The following SMIM19 variants were observed in gnomAD, a reference collection of about 807,000 sequenced individuals.
SMIM19 encodes the protein small integral membrane protein 19.
SMIM19 carries 6 observed loss-of-function variants against 13.2 expected under a neutral mutation model. The observed-to-expected ratio is 0.45, with a 90% CI of 0.25 to 0.90. The LOEUF (loss-of-function observed/expected upper bound fraction) is 0.90. SMIM19 is among the 40% of genes least tolerant of loss of function. The pLI is 0.19. For synonymous variants in SMIM19, 46 were observed against 43.1 expected (o/e 1.07, Z -0.27); for missense variants, 138 against 131.0 (o/e 1.05, Z -0.26).
At position 42,553,976 on chromosome 8, in the gene SMIM19, C is replaced by G. The variant is rs1270546348; in HGVS notation, c.*1368C>G. ...CAGCCTAGGCGACAGAGCAAGACTT[C>G]GTCTCAGAAAAAAAAAAAAAAGTTA... On this transcript the variant is annotated 3_prime_UTR_variant, in exon 4 of 4. Transcript: ENST00000417410. 1 of 120,732 alleles carries G rather than the reference C, an allele frequency of 8.3e-6. No individual in the cohort carries two copies. Among genetic ancestry groups the G allele is most frequent in the African/African-American group, 3.4e-5 (1 of 29,692 alleles). 7.5% of individuals were successfully genotyped at this position (120,732 alleles called of 1,614,324 possible).
chr8:42,548,359 TG>T (rs1343176872), intron 2 of SMIM19: 1 of 481,822 alleles, frequency 2.1e-6, no homozygotes, highest in Non-Finnish European at 4.1e-6. Context: ...TTTTCTTGTT[TG>T]TGATTTTCTC....
Position 42,548,477 on chromosome 8 carries a change from T to C in SMIM19, c.135-179T>C, listed in dbSNP as rs557320011. On this transcript the variant is annotated intron_variant, in intron 2 of 3. Transcript: ENST00000417410. The stretch of plus-strand genomic sequence containing the variant: ...CTACTTTTCTCACAGCCTCATACTT[T>C]TTAGTGAAAGAAAGAATACTTTGAG... 4.1e-6 allele frequency: 3 copies of C among 733,124 alleles called. No individual in the cohort carries two copies. In the South Asian group the frequency reaches 4.4e-5, roughly 11 times the overall value. The allele number at this position is 733,124 out of a possible 1,614,324, so 45.4% of individuals were successfully genotyped here. A position where few individuals can be genotyped will look rare whatever the true frequency, so the allele number is the denominator to read the frequency against.
intron 2 of SMIM19, among the ~76,000 whole-genome samples, chr8:42,548,096 C>T (rs539931383): frequency 6.6e-6 from 1 of 152,300 alleles, no homozygotes; most frequent in African/African-American, 2.4e-5. Flanking sequence ...GCACCCTGAC[C>T]ATCACTGATC....
rs894476273 is a variant in SMIM19, at chr8:42,552,832, C to T, written c.*224C>T. 8.5e-6 allele frequency: 4 copies of T among 468,050 alleles called. No homozygotes were observed. Among genetic ancestry groups the T allele is most frequent in the South Asian group, 4.3e-5 (1 of 23,346 alleles). The allele number at this position is 468,050 out of a possible 1,614,324, so 29.0% of individuals were successfully genotyped here. The stretch of plus-strand genomic sequence containing the variant: ...ACATATCCAGGATATGTGTAACCAG[C>T]GATGGTGACTTGACCTTGCCAAGAC... On this transcript the variant is annotated 3_prime_UTR_variant, in exon 4 of 4. Transcript: ENST00000417410.
chr8:42,548,551 C>A, intron 2 of SMIM19, 105 bp from the exon 3 acceptor site: 1 of 1,438,808 alleles, frequency 7.0e-7, no homozygotes, highest in Non-Finnish European at 9.7e-7. Context: ...ATGGTCTTGT[C>A]ATTTAAGTCC....
intron 2 of SMIM19, 24 bp downstream of exon 2, chr8:42,546,630 G>C (rs144360684): frequency 3.1e-6 from 5 of 1,588,404 alleles, no homozygotes; most frequent in Non-Finnish European, 4.3e-6. Context: ...TCTCAGGGTA[G>C]ATAAAAACTG....
chr8:42,545,260 G>A (rs1218794363), intron 1 of SMIM19, among the ~76,000 whole-genome samples: 1 of 152,206 alleles, frequency 6.6e-6, no homozygotes, highest in Non-Finnish European at 1.5e-5. Flanking sequence ...GCTGTTTGAT[G>A]CACTTGCTGT....
chr8:42,551,056 C>T (rs796095656), intron 3 of SMIM19, among the ~76,000 whole-genome samples: 2 of 152,276 alleles, frequency 1.3e-5, no homozygotes, highest in African/African-American at 4.8e-5. Flanking sequence ...TGGTGGCTCA[C>T]ACCTGTAATC....
At chr8:42,548,123 C>A (rs1220839056) in intron 2 of SMIM19, among the ~76,000 whole-genome samples, 1 of 152,178 alleles carries the variant, frequency 6.6e-6, no homozygotes, top group Admixed American at 6.5e-5. Flanking sequence ...CAGGTGACCG[C>A]TTTCCTCTAA....
At position 42,548,771 on chromosome 8, in the gene SMIM19, T is replaced by G. The variant is rs1469824916; in HGVS notation, c.250T>G (p.Tyr84Asp). 1 of 1,613,536 alleles carries G rather than the reference T, an allele frequency of 6.2e-7. No homozygotes were observed. Residue 84 changes from tyrosine to aspartate, a missense_variant, in exon 3 of 4, where the codon TAT becomes GAT. Transcript: ENST00000417410. ...KIRLRQQLEM[Y>D]SISRKYDYQQ... The stretch of plus-strand genomic sequence containing the variant: ...TCGTTTAAGACAACAACTGGAAATG[T>G]ATTCCATTTGTAAGTATATTCTGTG...
chr8:42,546,560 T>C lies in SMIM19; in HGVS notation c.88T>C (p.Leu30=). The change falls in exon 2 of 4, where the codon TTG becomes CTG. Residue 30 remains leucine, a synonymous_variant. Coordinates refer to ENST00000417410, the MANE Select transcript of SMIM19 (RefSeq NM_001135674.2). The part of the protein sequence containing the change: ...EAWNEATNVY[L]IVILVSFGLF... ...CTGGAATGAAGCCACCAATGTTTAC[T>C]TGATAGTTATCCTTGTTAGCTTCGG... 1 of 1,614,256 alleles carries C rather than the reference T, an allele frequency of 6.2e-7. No homozygotes were observed. Among genetic ancestry groups the C allele is most frequent in the Non-Finnish European group, 8.5e-7 (1 of 1,180,046 alleles).
At chr8:42,550,920 T>C (rs1813652959) in intron 3 of SMIM19, among the ~76,000 whole-genome samples, 1 of 152,216 alleles carries the variant, frequency 6.6e-6, no homozygotes, top group Non-Finnish European at 1.5e-5. Context: ...CAGAATTCTT[T>C]TTTAAATAGA....
At chr8:42,546,744 G>C in intron 2 of SMIM19, 138 bp downstream of exon 2, 2 of 1,038,468 alleles carry the variant, frequency 1.9e-6, no homozygotes, top group South Asian at 3.4e-5. Context: ...CAGCACTTTG[G>C]GAGGCCGAGG....
chr8:42,545,838 G>A (rs145285197), intron 1 of SMIM19, among the ~76,000 whole-genome samples: 3 of 152,240 alleles, frequency 2.0e-5, no homozygotes, highest in Admixed American at 2.0e-4. Context: ...CAGAGTCTCT[G>A]TTTTAAAGTA....
chr8:42,546,741 T>A (rs1186557275), intron 2 of SMIM19, 135 bp downstream of exon 2: 4 of 1,075,060 alleles, frequency 3.7e-6, no homozygotes, highest in Non-Finnish European at 5.2e-6. Flanking sequence ...TCCCAGCACT[T>A]TGGGAGGCCG....
At chr8:42,549,423 A>G (rs1210037476) in intron 3 of SMIM19, among the ~76,000 whole-genome samples, 2 of 152,174 alleles carry the variant, frequency 1.3e-5, no homozygotes, top group African/African-American at 4.8e-5. Context: ...AAAAAAAAAA[A>G]AGAAGTACAT....
intron 3 of SMIM19, among the ~76,000 whole-genome samples, chr8:42,551,128 C>A (rs1298806010): frequency 6.6e-6 from 1 of 151,718 alleles, no homozygotes; most frequent in Admixed American, 6.6e-5. Flanking sequence ...ACCATCCTGG[C>A]TAACACAGTG....
In SMIM19 at chr8:42,554,479, T is replaced by C. The variant is rs1813764226; in HGVS notation, c.*1871T>C. On this transcript the variant is annotated 3_prime_UTR_variant, in exon 4 of 4. Transcript: ENST00000417410. ...TAAGTCACACAATGAATTTCCTTTGTGTCCACTAGATAGAGATGGTCCTAA... is the reference window on the plus strand; with the variant it reads ...TAAGTCACACAATGAATTTCCTTTGCGTCCACTAGATAGAGATGGTCCTAA... The C allele has an allele frequency of 6.6e-6, 1 of 152,258 alleles. No individual in the cohort carries two copies. Among genetic ancestry groups the C allele is most frequent in the Admixed American group, 6.5e-5 (1 of 15,288 alleles). 9.4% of individuals were successfully genotyped at this position (152,258 alleles called of 1,614,324 possible). A position where few individuals can be genotyped will look rare whatever the true frequency, so the allele number is the denominator to read the frequency against.
chr8:42,550,369 ATGT>A (rs1207749589), intron 3 of SMIM19, among the ~76,000 whole-genome samples: 1 of 152,154 alleles, frequency 6.6e-6, no homozygotes, highest in African/African-American at 2.4e-5. Context: ...CCACACGAAC[ATGT>A]TGTCTCACGG....
Sources: gnomAD v4.1 joint callset for allele counts (sites outside exome capture counted in the v4.1 genomes callset) on GRCh38, gnomAD v4.1.1 for gene constraint, MANE v1.5 for transcripts, NCBI Gene and HGNC (gene_info 2026-07-23, HGNC 2026-07-21) for gene names.